Variants in SMCO4 observed in about 807,000 individuals in gnomAD.
The protein encoded by SMCO4 is single-pass membrane and coiled-coil domain-containing protein 4.
Under a neutral mutation model 3.6 loss-of-function variants are expected in SMCO4, and 4 were observed. That is an observed-to-expected ratio of 1.11 (90% confidence interval 0.54 to 2.53). The LOEUF (loss-of-function observed/expected upper bound fraction) is 2.53, where lower values mean the gene tolerates loss of function less well. SMCO4 is among the 30% of genes most tolerant of loss of function. The pLI is 0.02. For missense variants in SMCO4, 70 were observed against 80.8 expected (o/e 0.87, Z 0.51); for synonymous variants, 36 against 35.3 (o/e 1.02, Z -0.07).
chr11:93,535,429 T>C lies in SMCO4; in HGVS notation c.-154+7847A>G, dbSNP rs550099788. ...AAGCCAAATAACCAGTTCTCACTGC[T>C]AGGGGCTTAAGCAGAGGGAGTCGAG... On this transcript the variant is annotated intron_variant, in intron 1 of 2. Transcript: ENST00000298966. 6.3e-6 allele frequency: 8 copies of C among 1,267,916 alleles called. No individual in the cohort carries two copies. In the African/African-American group the frequency reaches 7.3e-5, roughly 12 times the overall value. 78.5% of individuals were successfully genotyped at this position (1,267,916 alleles called of 1,614,324 possible). A position where few individuals can be genotyped will look rare whatever the true frequency, so the allele number is the denominator to read the frequency against.
intron 2 of SMCO4, among the ~76,000 whole-genome samples, chr11:93,490,220 G>A (rs1948698448): frequency 6.6e-6 from 1 of 152,240 alleles, no homozygotes; most frequent in South Asian, 2.1e-4. Context: ...GCCAGGAAAT[G>A]CTCTTCTTTA....
chr11:93,515,267 G>A (rs975715507), intron 1 of SMCO4, among the ~76,000 whole-genome samples: 15 of 152,128 alleles, frequency 9.9e-5, no homozygotes, highest in African/African-American at 3.4e-4. Context: ...GAATTTTAAC[G>A]AGAAAACCAA....
In SMCO4 at chr11:93,514,396, AT is replaced by A. The variant is rs1565382975; in HGVS notation, c.-153-15049del. Among the ~76,000 whole-genome samples, 79 of 85,776 alleles carry A rather than the reference AT, an allele frequency of 9.2e-4. 7 individuals carry two copies. The highest frequency in any genetic ancestry group is 3.9e-3 in the African/African-American group (75 of 19,472). 56.3% of individuals were successfully genotyped at this position (85,776 alleles called of 152,430 possible). On this transcript the variant is annotated intron_variant, in intron 1 of 2. Transcript: ENST00000298966. The stretch of plus-strand genomic sequence containing the variant: ...AGGCTATATATATATATATATATAT[AT>A]ATATATATATATATATATATATATA...
chr11:93,533,021 G>A (rs1421321138), intron 1 of SMCO4, among the ~76,000 whole-genome samples: 1 of 152,162 alleles, frequency 6.6e-6, no homozygotes, highest in Non-Finnish European at 1.5e-5. Flanking sequence ...AAGCTTAAAG[G>A]CAGGCAGGGG....
At chr11:93,487,277 G>A (rs1028723889) in intron 2 of SMCO4, among the ~76,000 whole-genome samples, 3 of 152,168 alleles carry the variant, frequency 2.0e-5, no homozygotes, top group Non-Finnish European at 2.9e-5. Context: ...TGCAAGATGG[G>A]ACTCCGGACA....
rs576538615 is a variant in SMCO4, at chr11:93,535,459, A to T, written c.-154+7817T>A. ...GCTTAAGCAGAGGGAGTCGAGCCAG[A>T]GTCGCCGCGATGGTGTTGTTGGAGA... On this transcript the variant is annotated intron_variant, in intron 1 of 2. Coordinates refer to ENST00000298966, the MANE Select transcript of SMCO4 (RefSeq NM_020179.3). 2,499 of 1,369,010 alleles carry T rather than the reference A, an allele frequency of 1.8e-3. 7 individuals are homozygous for T. Among genetic ancestry groups the T allele is most frequent in the Non-Finnish European group, 2.4e-3 (2,330 of 978,146 alleles). The allele number at this position is 1,369,010 out of a possible 1,614,324, so 84.8% of individuals were successfully genotyped here. A position where few individuals can be genotyped will look rare whatever the true frequency, so the allele number is the denominator to read the frequency against.
chr11:93,512,129 T>C (rs989318289), intron 1 of SMCO4, among the ~76,000 whole-genome samples: 1 of 152,212 alleles, frequency 6.6e-6, no homozygotes, highest in African/African-American at 2.4e-5. Flanking sequence ...CTTCATAAAA[T>C]TGGTTTCATT....
intron 2 of SMCO4, among the ~76,000 whole-genome samples, chr11:93,497,328 C>T (rs999710128): frequency 6.6e-6 from 1 of 152,228 alleles, no homozygotes; most frequent in Non-Finnish European, 1.5e-5. Context: ...TCATCAGATA[C>T]AGCTGAATTA....
intron 1 of SMCO4, among the ~76,000 whole-genome samples, chr11:93,528,713 C>A (rs538169891): frequency 6.6e-6 from 1 of 152,286 alleles, no homozygotes; most frequent in East Asian, 1.9e-4. Flanking sequence ...TTCATCCAAC[C>A]CTCTAGATTA....
chr11:93,535,867 T>A, intron 1 of SMCO4: 5 of 1,606,660 alleles, frequency 3.1e-6, no homozygotes, highest in Non-Finnish European at 4.3e-6. Context: ...TGAATTGCTA[T>A]TTTTTCCTTT....
intron 1 of SMCO4, among the ~76,000 whole-genome samples, chr11:93,509,554 T>C (rs113609451): frequency 1.3e-5 from 2 of 152,064 alleles, no homozygotes; most frequent in African/African-American, 4.8e-5. Context: ...TTTGTAAAAA[T>C]ATGGAACCAG....
At position 93,500,660 on chromosome 11, in the gene SMCO4, AG is replaced by A. The variant is rs142244118; in HGVS notation, c.-153-1313del. Among the ~76,000 whole-genome samples, 1,372 of 152,356 alleles carry A rather than the reference AG, an allele frequency of 9.0e-3. 20 individuals carry two copies. Among genetic ancestry groups the A allele is most frequent in the African/African-American group, 0.03 (1,260 of 41,584 alleles). ...AAAGGAGTTTGGACTTTATCAAAGC[AG>A]CATGTAGTCTAGTCCCCATTCTCTA... On this transcript the variant is annotated intron_variant, in intron 1 of 2. Coordinates refer to ENST00000298966, the MANE Select transcript of SMCO4 (RefSeq NM_020179.3).
intron 1 of SMCO4, among the ~76,000 whole-genome samples, chr11:93,525,065 C>T (rs1438605646): frequency 6.6e-6 from 1 of 152,178 alleles, no homozygotes; most frequent in Non-Finnish European, 1.5e-5. Flanking sequence ...GCCAAGGAGC[C>T]ACTACTGTAC....
intron 2 of SMCO4, among the ~76,000 whole-genome samples, 190 bp downstream of exon 2, chr11:93,499,086 C>T (rs575621141): frequency 6.6e-6 from 1 of 151,934 alleles, no homozygotes; most frequent in African/African-American, 2.4e-5. Context: ...AGAAATCACC[C>T]GCAGCCTGGA....
the SMCO4 span, among the ~76,000 whole-genome samples, chr11:93,552,503 G>T: frequency 1.4e-5 from 2 of 144,402 alleles, no homozygotes; most frequent in East Asian, 4.1e-4. Flanking sequence ...ACAGAGTCTC[G>T]ATCTGTTCCC....
At chr11:93,517,087 G>A (rs1053267838) in intron 1 of SMCO4, among the ~76,000 whole-genome samples, 2 of 152,084 alleles carry the variant, frequency 1.3e-5, no homozygotes, top group Non-Finnish European at 2.9e-5. Flanking sequence ...GAAGAAAGCA[G>A]GAATCAGAAA....
intron 2 of SMCO4, among the ~76,000 whole-genome samples, chr11:93,498,241 A>G (rs184919735): frequency 6.6e-6 from 1 of 152,358 alleles, no homozygotes; most frequent in South Asian, 2.1e-4. Context: ...CATAAAATTA[A>G]TAAGAAACTT....
the SMCO4 span, among the ~76,000 whole-genome samples, chr11:93,552,435 C>T: frequency 8.2e-6 from 1 of 122,102 alleles, no homozygotes; most frequent in Non-Finnish European, 1.7e-5. Context: ...CCACCGTGCC[C>T]AGCCACGTTA....
intron 1 of SMCO4, among the ~76,000 whole-genome samples, chr11:93,540,197 G>A (rs1490922509): frequency 6.6e-6 from 1 of 152,150 alleles, no homozygotes. Context: ...TTCCCCCTGA[G>A]GACAACTGCT....
Sources: gnomAD v4.1 joint callset for allele counts (sites outside exome capture counted in the v4.1 genomes callset) on GRCh38, gnomAD v4.1.1 for gene constraint, MANE v1.5 for transcripts, NCBI Gene and HGNC (gene_info 2026-07-23, HGNC 2026-07-21) for gene names.